PCNX3: variants seen among roughly 807,000 people sequenced by gnomAD.
PCNX3 encodes the protein pecanex-like protein 3.
PCNX3 carries 58 observed loss-of-function variants against 207.2 expected under a neutral mutation model. That is an observed-to-expected ratio of 0.28 (90% confidence interval 0.23 to 0.35). PCNX3 has a LOEUF of 0.35. PCNX3 is among the 10% of genes least tolerant of loss of function. The pLI is 1.00. For missense variants in PCNX3, 2,410 were observed against 2,774.4 expected (o/e 0.87, Z 2.95); for synonymous variants, 1,337 against 1,183.5 (o/e 1.13, Z -2.66).
At chr11:65,617,588 C>T in intron 4 of PCNX3, 23 bp from the exon 5 acceptor site, 2 of 1,613,346 alleles carry the variant, frequency 1.2e-6, no homozygotes, top group Non-Finnish European at 1.7e-6. Flanking sequence ...GTCCTGCTGA[C>T]ACCTCTGGGG....
chr11:65,635,954 T>C lies in PCNX3; in HGVS notation c.5459+151T>C, dbSNP rs1473333948. ...AGAGCTGACCTGCCCCTCCTAGATG[T>C]CACCTTACCCCCAGAGCTGACAGTG... is the stretch of plus-strand genomic sequence containing the variant. On this transcript the variant is annotated intron_variant, in intron 32 of 34. Coordinates refer to ENST00000355703, the MANE Select transcript of PCNX3 (RefSeq NM_032223.4). This position sits in a 1 kb window ranked among gnomAD's most constrained non-coding sequence, Gnocchi z 9.9. Among the ~76,000 whole-genome samples, 1 of 152,060 alleles carries C rather than the reference T, an allele frequency of 6.6e-6. No homozygotes were observed. Among genetic ancestry groups the C allele is most frequent in the Admixed American group, 6.5e-5 (1 of 15,276 alleles).
Position 65,634,141 on chromosome 11 carries a change from G to A in PCNX3, c.4486G>A (p.Val1496Met), listed in dbSNP as rs1004896561. 6.2e-6 allele frequency: 10 copies of A among 1,612,164 alleles called. No homozygotes were observed. Among genetic ancestry groups the A allele is most frequent in the Admixed American group, 1.7e-5 (1 of 59,964 alleles). ...TYYVKSIIYY[V>M]SRSPKLEVWL... Reference sequence around the variant, plus strand: ...CCTCTCCCAGAGCATCATCTACTACGTGAGCCGCTCACCAAAGCTGGAGGT... The same window carrying A: ...CCTCTCCCAGAGCATCATCTACTACATGAGCCGCTCACCAAAGCTGGAGGT... Residue 1496 changes from valine to methionine, a missense_variant, in exon 28 of 35, where the codon GTG (valine) becomes ATG (methionine). Coordinates refer to ENST00000355703, the MANE Select transcript of PCNX3 (RefSeq NM_032223.4).
chr11:65,621,695 C>T (rs1017864635), intron 10 of PCNX3, among the ~76,000 whole-genome samples: 12 of 152,326 alleles, frequency 7.9e-5, no homozygotes, highest in Middle Eastern at 3.4e-3. Context: ...GATCCCAGGG[C>T]AGGGCCGGGC....
Position 65,616,473 on chromosome 11 carries a change from C to G in PCNX3, c.153+9C>G, listed in dbSNP as rs755315430. 9 of 1,598,498 alleles carry G rather than the reference C, an allele frequency of 5.6e-6. No individual in the cohort carries two copies. In the African/African-American group the frequency reaches 1.2e-4, roughly 21 times the overall value. ...CCTTCTTACTGTACATGGTGAGACG[C>G]CACGGCCACCTGTAACTCCAGCCGG... On this transcript the variant is annotated intron_variant, in intron 1 of 34. Transcript: ENST00000355703.
At chr11:65,627,639 TC>T (rs1310873860) in intron 22 of PCNX3, 57 bp downstream of exon 22, 1 of 1,573,738 alleles carries the variant, frequency 6.4e-7, no homozygotes, top group Non-Finnish European at 8.7e-7. Flanking sequence ...AGAGCCAACT[TC>T]TGCCTGGGTG....
rs1348161422 is a variant in PCNX3, at chr11:65,625,690, G to A, written c.3174G>A (p.Val1058=). 1 of 1,612,550 alleles carries A rather than the reference G, an allele frequency of 6.2e-7. No individual in the cohort carries two copies. The highest frequency in any genetic ancestry group is 1.3e-5 in the African/African-American group (1 of 74,924). Residue 1058 remains valine (V), a synonymous_variant, in exon 19 of 35, where the codon GTG becomes GTA. Coordinates refer to ENST00000355703, the MANE Select transcript of PCNX3 (RefSeq NM_032223.4). This position sits in a 1 kb window ranked among gnomAD's most constrained non-coding sequence, Gnocchi z 5.6. The part of the protein sequence containing the change: ...VLHSDLVMCV[V]IAVLTFAISA... ...ACTCCGACCTGGTGATGTGTGTGGT[G>A]ATCGCCGTGCTCACCTTCGCCATCA...
chr11:65,617,398 G>T, intron 3 of PCNX3, 49 bp downstream of exon 3: 1 of 1,613,546 alleles, frequency 6.2e-7, no homozygotes, highest in Non-Finnish European at 8.5e-7. Flanking sequence ...CTGCGAGCCA[G>T]TCCCTACTGT....
chr11:65,620,309 C>T (rs201960854), intron 8 of PCNX3, 30 bp from the exon 9 acceptor site: 215 of 1,594,972 alleles, frequency 1.3e-4, no homozygotes, highest in Non-Finnish European at 1.7e-4. Flanking sequence ...GTCTCTGCCA[C>T]GCTGCCTCAT....
intron 23 of PCNX3, 52 bp downstream of exon 23, chr11:65,628,755 G>A: frequency 6.3e-7 from 1 of 1,597,068 alleles, no homozygotes; most frequent in Non-Finnish European, 8.5e-7. Context: ...GTGGCCTGGG[G>A]CAGTGGGGGG....
At position 65,618,616 on chromosome 11, in the gene PCNX3, C is replaced by T. The variant is rs1854888013; in HGVS notation, c.1254C>T (p.Phe418=). Residue 418 remains phenylalanine (F), a synonymous_variant, in exon 6 of 35, where the codon TTC becomes TTT. Transcript: ENST00000355703. ...PRRPLLEGGG[F]FEDEDTSEGS... ...GGCCCCTGCTTGAAGGTGGGGGCTTCTTTGAGGATGAAGACACTAGTGAGG... is the reference window on the plus strand; with the variant it reads ...GGCCCCTGCTTGAAGGTGGGGGCTTTTTTGAGGATGAAGACACTAGTGAGG... The T allele has an allele frequency of 2.5e-6, 4 of 1,612,642 alleles. No homozygotes were observed. Among genetic ancestry groups the T allele is most frequent in the African/African-American group, 2.7e-5 (2 of 74,930 alleles).
Position 65,625,703 on chromosome 11 carries a change from A to T in PCNX3, c.3187A>T (p.Thr1063Ser), listed in dbSNP as rs1855351862. 1 of 1,611,814 alleles carries T rather than the reference A, an allele frequency of 6.2e-7. No individual in the cohort carries two copies. Among genetic ancestry groups the T allele is most frequent in the Non-Finnish European group, 8.5e-7 (1 of 1,179,762 alleles). Residue 1063 changes from threonine (T) to serine (S), a missense_variant, in exon 19 of 35, where the codon ACC becomes TCC. Around this residue, in one of 8 missense-constraint regions of PCNX3, gnomAD observed 333 missense variants for 386.8 expected, o/e 0.86. Transcript: ENST00000355703. This position sits in a 1 kb window ranked among gnomAD's most constrained non-coding sequence, Gnocchi z 5.6. ...GATGTGTGTGGTGATCGCCGTGCTC[A>T]CCTTCGCCATCAGCGCCAGCACCGT... is the stretch of plus-strand genomic sequence containing the variant. ...LVMCVVIAVL[T>S]FAISASTVFI...
chr11:65,619,811 G>T lies in PCNX3; in HGVS notation c.1887G>T (p.Leu629=). Residue 629 remains leucine (L), a synonymous_variant, in exon 8 of 35, where the codon CTG becomes CTT. Coordinates refer to ENST00000355703, the MANE Select transcript of PCNX3 (RefSeq NM_032223.4). ...RAASHSRALT[L]PSALHFASSL... is the part of the protein sequence containing the mutation. The stretch of plus-strand genomic sequence containing the variant: ...CCTCCCACTCCCGGGCGCTGACGCT[G>T]CCCTCTGCGCTGCATTTCGCCTCTT... 6.3e-7 allele frequency: 1 copy of T among 1,597,958 alleles called. No individual in the cohort carries two copies.
In PCNX3 at chr11:65,627,028, C is replaced by T. The variant is rs1855428793; in HGVS notation, c.3504C>T (p.His1168=). 4 of 1,529,002 alleles carry T rather than the reference C, an allele frequency of 2.6e-6. No individual in the cohort carries two copies. Among genetic ancestry groups the T allele is most frequent in the Non-Finnish European group, 2.6e-6 (3 of 1,135,856 alleles). The allele number at this position is 1,529,002 out of a possible 1,614,324, so 94.7% of individuals were successfully genotyped here. The change falls in exon 21 of 35, where the codon CAC becomes CAT. Residue 1168 remains histidine, a synonymous_variant. Coordinates refer to ENST00000355703, the MANE Select transcript of PCNX3 (RefSeq NM_032223.4). The part of the protein sequence containing the change: ...LTVDAHTVVS[H]PDKYCFYCRA... Reference sequence around the variant, plus strand: ...TGGACGCCCACACAGTCGTCAGCCACCCGGACAAGTACTGCTTCTAGTGAG... The same window carrying T: ...TGGACGCCCACACAGTCGTCAGCCATCCGGACAAGTACTGCTTCTAGTGAG...
intron 10 of PCNX3, 45 bp from the exon 11 acceptor site, chr11:65,622,200 C>T: frequency 6.3e-7 from 1 of 1,577,938 alleles, no homozygotes. Context: ...GCTGTGGGGA[C>T]TGCAGTTTGA....
chr11:65,617,878 AACC>A (rs1854832022), intron 5 of PCNX3, 59 bp from the exon 6 acceptor site: 1 of 1,489,380 alleles, frequency 6.7e-7, no homozygotes, highest in African/African-American at 1.4e-5. Flanking sequence ...GACCTCCCTT[AACC>A]ACTAGTTTGT....
Position 65,630,679 on chromosome 11 carries a change from C to G in PCNX3, c.4470+75C>G, listed in dbSNP as rs111364414. On this transcript the variant is annotated intron_variant, in intron 27 of 34. Coordinates refer to ENST00000355703, the MANE Select transcript of PCNX3 (RefSeq NM_032223.4). ...TCGCTGACCAGAGGCCCCAGTACCC[C>G]CTTTCTGGGTTGTTGGGAGCCTGTT... is the stretch of plus-strand genomic sequence containing the variant. 140 of 1,535,756 alleles carry G rather than the reference C, an allele frequency of 9.1e-5. 2 individuals carry two copies. The African/African-American group carries it at 1.4e-3, about 16-fold the overall frequency.
chr11:65,624,282 G>A lies in PCNX3; in HGVS notation c.2632G>A (p.Ala878Thr). Residue 878 changes from alanine to threonine, a missense_variant, in exon 14 of 35, where the codon GCT becomes ACT. Transcript: ENST00000355703. ...CTGGCTGCTGGACGCCCTGGGCTCA[G>A]CTCAGCCCTTCCCACCTGTCTCCCT... is the stretch of plus-strand genomic sequence containing the variant. ...LIWLLDALGS[A>T]QPFPPVSLYG... The A allele has an allele frequency of 6.3e-7, 1 of 1,594,478 alleles. No individual in the cohort carries two copies. The highest frequency in any genetic ancestry group is 8.5e-7 in the Non-Finnish European group (1 of 1,170,236).
Position 65,624,974 on chromosome 11 carries a change from G to T in PCNX3, c.2877G>T (p.Leu959=). ...TCTTCAGCCTCTCCCGCAGCCTGCT[G>T]GCTGCTGCCCTGCTCTACGGTTTCT... ...TAVFSLSRSL[L]AAALLYGFCL... The change falls in exon 16 of 35, where the codon CTG becomes CTT. Residue 959 remains leucine, a synonymous_variant. Coordinates refer to ENST00000355703, the MANE Select transcript of PCNX3 (RefSeq NM_032223.4). 6.2e-7 allele frequency: 1 copy of T among 1,612,744 alleles called. No individual in the cohort carries two copies.
chr11:65,627,908 C>T (rs979398048), intron 22 of PCNX3, among the ~76,000 whole-genome samples: 2 of 152,178 alleles, frequency 1.3e-5, no homozygotes, highest in Non-Finnish European at 2.9e-5. Flanking sequence ...GGACGCAGAC[C>T]TCTGAGTTCC....
Sources: allele counts gnomAD v4.1 joint callset (sites outside exome capture counted in the v4.1 genomes callset), GRCh38; gene constraint gnomAD v4.1.1; regional missense constraint gnomAD v4.1.1; non-coding constraint Gnocchi (gnomAD v3.1); transcripts MANE v1.5; gene names NCBI Gene and HGNC (gene_info 2026-07-23, HGNC 2026-07-21).